Variants in CSMD2 observed in about 807,000 individuals in gnomAD.
CSMD2 encodes CUB and sushi domain-containing protein 2.
Under a neutral mutation model 398.5 loss-of-function variants are expected in CSMD2, and 130 were observed. The observed-to-expected ratio is 0.33, with a 90% CI of 0.28 to 0.38. The LOEUF is 0.38. Among genes scored for constraint, CSMD2 ranks in the 10% least tolerant of loss-of-function variants. The pLI, the probability that CSMD2 is intolerant of heterozygous loss-of-function variation, is 1.00. For missense variants in CSMD2, 3,829 were observed against 4,764.9 expected, an observed-to-expected ratio of 0.80 and a Z score of 5.78; for synonymous variants, 1,828 against 1,908.5, an observed-to-expected ratio of 0.96 and a Z score of 1.10.
chr1:34,009,340 T>G (rs1647168060), intron 3 of CSMD2, among the ~76,000 whole-genome samples: 1 of 141,190 alleles, frequency 7.1e-6, no homozygotes. Context: ...GCCCCCTGAA[T>G]TGAGGGTCGG....
intron 64 of CSMD2, among the ~76,000 whole-genome samples, chr1:33,530,340 A>C (rs969247981): frequency 3.3e-5 from 5 of 152,236 alleles, no homozygotes; most frequent in African/African-American, 1.2e-4. Context: ...GGTATATGAA[A>C]AATGCTCAGC....
At chr1:33,792,597 A>C (rs1301293020) in intron 10 of CSMD2, 71 bp from the exon 11 acceptor site, 2 of 1,006,476 alleles carry the variant, frequency 2.0e-6, no homozygotes, top group Non-Finnish European at 3.2e-6. Flanking sequence ...TGAGGGGAGG[A>C]AGGATTTTCT....
At chr1:34,126,826 G>A (rs1662789536) in intron 1 of CSMD2, among the ~76,000 whole-genome samples, 1 of 151,912 alleles carries the variant, frequency 6.6e-6, no homozygotes, top group South Asian at 2.1e-4. Context: ...AGACATAGAT[G>A]GGGAGAGAGA....
intron 5 of CSMD2, among the ~76,000 whole-genome samples, chr1:33,898,679 G>A (rs904753976): frequency 6.6e-6 from 1 of 152,146 alleles, no homozygotes; most frequent in Non-Finnish European, 1.5e-5. Flanking sequence ...TGTGGGGCTG[G>A]GGAAAGGGTA....
intron 3 of CSMD2, among the ~76,000 whole-genome samples, chr1:34,005,177 C>G (rs1647019944): frequency 6.6e-6 from 1 of 152,112 alleles, no homozygotes; most frequent in African/African-American, 2.4e-5. Context: ...GCTCCCAAAC[C>G]CAAGCACATT....
At chr1:34,069,253 T>A (rs1194793073) in intron 2 of CSMD2, among the ~76,000 whole-genome samples, 4 of 151,944 alleles carry the variant, frequency 2.6e-5, no homozygotes, top group Non-Finnish European at 5.9e-5. Flanking sequence ...AAGAATTTGC[T>A]GAGACCCCCC....
At chr1:34,063,226 A>ATG (rs1376190824) in intron 2 of CSMD2, among the ~76,000 whole-genome samples, 4 of 152,156 alleles carry the variant, frequency 2.6e-5, no homozygotes, top group Non-Finnish European at 5.9e-5. Flanking sequence ...TCCAAATCTC[A>ATG]TGTCCTCGTA....
At chr1:33,978,595 GT>G (rs1311316524) in intron 3 of CSMD2, among the ~76,000 whole-genome samples, 3 of 152,184 alleles carry the variant, frequency 2.0e-5, no homozygotes, top group African/African-American at 7.2e-5. Context: ...ATACGCAAGA[GT>G]TAATCCAGAG....
At chr1:33,836,785 C>T (rs991785769) in intron 6 of CSMD2, among the ~76,000 whole-genome samples, 2 of 152,164 alleles carry the variant, frequency 1.3e-5, no homozygotes, top group African/African-American at 2.4e-5. Context: ...GCTAGGAAAG[C>T]GAATTCCCCA....
chr1:33,771,668 C>T (rs1187660623), intron 13 of CSMD2, among the ~76,000 whole-genome samples: 1 of 152,070 alleles, frequency 6.6e-6, no homozygotes, highest in East Asian at 1.9e-4. Context: ...CTCTCCCAGC[C>T]CTGAGGGATC....
chr1:33,625,352 A>G (rs1160601563), intron 33 of CSMD2, 98 bp from the exon 34 acceptor site: 1 of 1,185,006 alleles, frequency 8.4e-7, no homozygotes, highest in East Asian at 2.6e-5. Context: ...GTCTGGATGA[A>G]ACCCTGGGAG....
intron 2 of CSMD2, among the ~76,000 whole-genome samples, chr1:34,076,131 T>C (rs1213724030): frequency 1.3e-5 from 2 of 152,210 alleles, no homozygotes; most frequent in African/African-American, 4.8e-5. Context: ...CATTGGGAGA[T>C]GAATAGCATC....
chr1:34,130,046 A>T (rs796406530), intron 1 of CSMD2, among the ~76,000 whole-genome samples: 6 of 151,926 alleles, frequency 3.9e-5, no homozygotes, highest in African/African-American at 1.4e-4. Context: ...ATTAATTACC[A>T]CTCATTCTCT....
chr1:33,542,746 C>G lies in CSMD2; in HGVS notation c.9251G>C (p.Trp3084Ser). 1 of 1,613,966 alleles carries G rather than the reference C, an allele frequency of 6.2e-7. No homozygotes were observed. The highest frequency in any genetic ancestry group is 8.5e-7 in the Non-Finnish European group (1 of 1,179,964). ...LSRHCSVNGTWTGSDPECLVI... is the reference protein window; with the variant it reads ...LSRHCSVNGTSTGSDPECLVI... ...GAGGCACTCAGGGTCACTGCCTGTC[C>G]AGGTACCATTGACCGAGCAGTGACG... Residue 3084 changes from tryptophan (W) to serine (S), a missense_variant, in exon 58 of 71, where the codon TGG becomes TCG. Trp to Ser is a radical substitution (Grantham distance 177). Around this residue, in one of 5 missense-constraint regions of CSMD2, gnomAD observed 917 missense variants for 1,199.5 expected, o/e 0.76. Coordinates refer to ENST00000373381, the MANE Select transcript of CSMD2 (RefSeq NM_001281956.2).
chr1:33,641,464 A>G (rs1643104484), intron 29 of CSMD2, among the ~76,000 whole-genome samples: 1 of 152,228 alleles, frequency 6.6e-6, no homozygotes, highest in South Asian at 2.1e-4. Flanking sequence ...GGAGAAAGAC[A>G]TAAACCTCCC....
At chr1:33,529,507 AC>A (rs2148553032) in intron 64 of CSMD2, among the ~76,000 whole-genome samples, 1 of 152,336 alleles carries the variant, frequency 6.6e-6, no homozygotes, top group South Asian at 2.1e-4. Flanking sequence ...ATGATTTTTG[AC>A]GGGAGTGTCA....
intron 13 of CSMD2, among the ~76,000 whole-genome samples, chr1:33,767,959 T>A (rs2149318713): frequency 6.6e-6 from 1 of 152,332 alleles, no homozygotes; most frequent in African/African-American, 2.4e-5. Context: ...GCTCTGTTAA[T>A]TAACAGCTCA....
At position 33,625,213 on chromosome 1, in the gene CSMD2, C is replaced by G. The variant is rs1371385115; in HGVS notation, c.5338G>C (p.Glu1780Gln). The change falls in exon 34 of 71, where the codon GAA (glutamate) becomes CAA (glutamine). Residue 1780 changes from glutamate to glutamine, a missense_variant. Glu to Gln is a conservative substitution (Grantham distance 29, BLOSUM62 2). This residue lies in a region of CSMD2 where 2,001 missense variants were observed against 2,567.1 expected (regional missense o/e 0.78). Transcript: ENST00000373381. ...TSATQCSSVP[E>Q]PRYGKRLGSD... ...CCCAGCCTCTTGCCATAGCGGGGTT[C>G]CGGCACAGAGCTGCACTGCGTGGCG... 3 of 1,613,472 alleles carry G rather than the reference C, an allele frequency of 1.9e-6. No homozygotes were observed. The Admixed American group carries it at 5.0e-5, about 27-fold the overall frequency.
intron 13 of CSMD2, among the ~76,000 whole-genome samples, chr1:33,745,753 G>A (rs573289508): frequency 1.3e-5 from 2 of 152,234 alleles, no homozygotes; most frequent in Admixed American, 6.5e-5. Context: ...GAAAGAATTC[G>A]AGCCAAGGGG....
Sources: allele counts gnomAD v4.1 joint callset (sites outside exome capture counted in the v4.1 genomes callset), GRCh38; gene constraint gnomAD v4.1.1; regional missense constraint gnomAD v4.1.1; transcripts MANE v1.5; gene names NCBI Gene and HGNC (gene_info 2026-07-23, HGNC 2026-07-21).